The following MAN1A1 variants were observed in gnomAD, a reference collection of about 807,000 sequenced individuals.
MAN1A1 encodes the protein mannosyl-oligosaccharide 1,2-alpha-mannosidase IA.
Under a neutral mutation model 70.8 loss-of-function variants are expected in MAN1A1, and 29 were observed. That is an observed-to-expected ratio of 0.41 (90% CI 0.31 to 0.56). The LOEUF (loss-of-function observed/expected upper bound fraction) is 0.56. MAN1A1 is among the 20% of genes least tolerant of loss of function. The pLI is 0.29. For missense variants in MAN1A1, 747 were observed against 841.3 expected, an observed-to-expected ratio of 0.89 and a Z score of 1.39; for synonymous variants, 349 against 330.1, an observed-to-expected ratio of 1.06 and a Z score of -0.62.
At chr6:119,286,198 G>C (rs1289115342) in intron 5 of MAN1A1, among the ~76,000 whole-genome samples, 2 of 152,104 alleles carry the variant, frequency 1.3e-5, no homozygotes, top group East Asian at 3.8e-4. Context: ...AATTGTGGCA[G>C]ACATTGAGTT....
At chr6:119,321,985 C>T (rs1035179579) in intron 2 of MAN1A1, among the ~76,000 whole-genome samples, 9 of 152,144 alleles carry the variant, frequency 5.9e-5, no homozygotes, top group Admixed American at 5.2e-4. Flanking sequence ...AACAGTGGCC[C>T]ACTCCTATAG....
upstream of MAN1A1, chr6:119,350,536 G>T: frequency 1.0e-6 from 1 of 985,372 alleles, no homozygotes; most frequent in Non-Finnish European, 1.2e-6. Flanking sequence ...CCTCATAGAA[G>T]TTGGTCAAAT....
intron 2 of MAN1A1, among the ~76,000 whole-genome samples, chr6:119,307,712 A>G (rs1432591670): frequency 1.3e-5 from 2 of 152,314 alleles, no homozygotes; most frequent in East Asian, 1.9e-4. Context: ...ACTTTTTTCA[A>G]TGACTCAAAG....
chr6:119,334,851 AT>A (rs1397587351), intron 2 of MAN1A1, among the ~76,000 whole-genome samples: 4 of 152,184 alleles, frequency 2.6e-5, no homozygotes, highest in Non-Finnish European at 5.9e-5. Flanking sequence ...CACAAAAATT[AT>A]TTCTTTCTAT....
chr6:119,197,647 G>C (rs1173256817), intron 8 of MAN1A1, among the ~76,000 whole-genome samples: 2 of 152,158 alleles, frequency 1.3e-5, no homozygotes, highest in African/African-American at 4.8e-5. Flanking sequence ...AGAGGTGGGA[G>C]GGCTAAGGAA....
chr6:119,323,311 G>T (rs952316036), intron 2 of MAN1A1, among the ~76,000 whole-genome samples: 7 of 152,150 alleles, frequency 4.6e-5, no homozygotes, highest in African/African-American at 1.7e-4. Flanking sequence ...TGATGCAGTG[G>T]TTATCATCCT....
chr6:119,281,406 G>A (rs1210642369), intron 5 of MAN1A1, among the ~76,000 whole-genome samples: 1 of 152,168 alleles, frequency 6.6e-6, no homozygotes, highest in Non-Finnish European at 1.5e-5. Context: ...CCTTTAAGTT[G>A]TAGTGGCCCT....
intron 6 of MAN1A1, among the ~76,000 whole-genome samples, chr6:119,218,759 C>T (rs956545230): frequency 7.9e-5 from 12 of 152,112 alleles, no homozygotes; most frequent in African/African-American, 1.4e-4. Flanking sequence ...GAATGCACCC[C>T]GCGCTGGGAT....
At chr6:119,183,116 G>T (rs1364629827) in intron 11 of MAN1A1, among the ~76,000 whole-genome samples, 2 of 152,220 alleles carry the variant, frequency 1.3e-5, no homozygotes, top group East Asian at 1.9e-4. Flanking sequence ...TGATAATGAG[G>T]TTATTGATTT....
Position 119,177,452 on chromosome 6 carries a change from C to T in MAN1A1, c.*2367G>A, listed in dbSNP as rs1303245127. ...ACTTACATGTGTAATATTAATTGCACAAAGTATATCAAGACATATTGAAGA... is the reference window on the plus strand; with the variant it reads ...ACTTACATGTGTAATATTAATTGCATAAAGTATATCAAGACATATTGAAGA... On this transcript the variant is annotated 3_prime_UTR_variant, in exon 13 of 13. Coordinates refer to ENST00000368468, the MANE Select transcript of MAN1A1 (RefSeq NM_005907.4). The T allele has an allele frequency of 1.3e-5, 2 of 151,984 alleles. No homozygotes were observed. Among genetic ancestry groups the T allele is most frequent in the African/African-American group, 2.4e-5 (1 of 41,430 alleles). 9.4% of individuals were successfully genotyped at this position (151,984 alleles called of 1,614,324 possible).
At chr6:119,327,999 C>T (rs574753499) in intron 2 of MAN1A1, among the ~76,000 whole-genome samples, 3 of 152,250 alleles carry the variant, frequency 2.0e-5, no homozygotes, top group South Asian at 2.1e-4. Flanking sequence ...GATTCTCCCC[C>T]AGAGCCAGAG....
chr6:119,204,652 C>T (rs1358154044), intron 7 of MAN1A1, 107 bp downstream of exon 7: 6 of 1,368,422 alleles, frequency 4.4e-6, no homozygotes, highest in Non-Finnish European at 6.0e-6. Flanking sequence ...AGAGCTATAA[C>T]AAATTTGGTT....
At chr6:119,195,629 C>A (rs1346871204) in intron 8 of MAN1A1, among the ~76,000 whole-genome samples, 2 of 152,182 alleles carry the variant, frequency 1.3e-5, no homozygotes, top group African/African-American at 4.8e-5. Context: ...GAGACCAGAC[C>A]TATTATGTTT....
intron 2 of MAN1A1, among the ~76,000 whole-genome samples, chr6:119,335,580 C>A (rs1381374772): frequency 6.6e-6 from 1 of 152,146 alleles, no homozygotes; most frequent in African/African-American, 2.4e-5. Flanking sequence ...CTGAAATCTA[C>A]TTGAAAGATA....
intron 10 of MAN1A1, among the ~76,000 whole-genome samples, 164 bp from the exon 11 acceptor site, chr6:119,188,741 T>C (rs998328330): frequency 5.3e-5 from 8 of 152,320 alleles, no homozygotes; most frequent in East Asian, 1.9e-4. Flanking sequence ...GAGTCCCTTA[T>C]ATAAAATGGC....
intron 3 of MAN1A1, among the ~76,000 whole-genome samples, chr6:119,306,380 T>C (rs1265946267): frequency 6.6e-6 from 1 of 152,138 alleles, no homozygotes; most frequent in African/African-American, 2.4e-5. Flanking sequence ...GCAATAAAGC[T>C]TGCAAAAGTG....
chr6:119,327,822 T>C (rs1773195902), intron 2 of MAN1A1, among the ~76,000 whole-genome samples: 1 of 152,094 alleles, frequency 6.6e-6, no homozygotes, highest in Admixed American at 6.5e-5. Flanking sequence ...ACAATTTTTG[T>C]CTAAATGAAT....
rs140884805 is a variant in MAN1A1 at position 119,218,873 on chromosome 6, GT to G, written c.993-13992del. ...GGAATAACTGGGTAAATAATTATCT[GT>G]TTTTTTTTTAATTAATCTTTCTTAA... On this transcript the variant is annotated intron_variant, in intron 6 of 12. Transcript: ENST00000368468. 2.7e-3 allele frequency among the ~76,000 whole-genome samples: 400 copies of G among 149,422 alleles called. 2 individuals are homozygous for G. The highest frequency in any genetic ancestry group is 7.0e-3 in the Middle Eastern group (2 of 286).
intron 4 of MAN1A1, among the ~76,000 whole-genome samples, chr6:119,291,371 G>T (rs117782972): frequency 0.028 from 4,243 of 152,058 alleles, 94 homozygotes; most frequent in Non-Finnish European, 0.045. Flanking sequence ...GTCTTTATCA[G>T]CAGTGTGAAA....
Sources: allele counts gnomAD v4.1 joint callset (sites outside exome capture counted in the v4.1 genomes callset), GRCh38; gene constraint gnomAD v4.1.1; transcripts MANE v1.5; gene names NCBI Gene and HGNC (gene_info 2026-07-23, HGNC 2026-07-21).